KCNMB2: variants seen among roughly 807,000 people sequenced by gnomAD.
KCNMB2 encodes the protein potassium calcium-activated channel subfamily M regulatory beta subunit 2.
A neutral mutation model predicts 24.5 loss-of-function variants in KCNMB2; 9 were observed. The ratio of observed to expected loss-of-function variants is 0.37; its 90% confidence interval spans 0.22 to 0.64. The LOEUF (loss-of-function observed/expected upper bound fraction) is 0.64. Ranked by LOEUF, KCNMB2 falls within the 30% of genes least tolerant of loss-of-function variation. KCNMB2 has a pLI of 0.63. For synonymous variants in KCNMB2, 109 were observed against 104.4 expected (o/e 1.04, Z -0.27); for missense variants, 226 against 284.3 (o/e 0.79, Z 1.47).
chr3:178,654,034 A>G (rs1720231589), intron 1 of KCNMB2, among the ~76,000 whole-genome samples: 1 of 152,148 alleles, frequency 6.6e-6, no homozygotes, highest in African/African-American at 2.4e-5. Context: ...TAGAAGCTTT[A>G]GGTTATAGAT....
At chr3:178,757,993 ATATATC>A (rs1257378684) in intron 1 of KCNMB2, among the ~76,000 whole-genome samples, 3,183 of 7,916 alleles carry the variant, frequency 0.4, 859 homozygotes, top group South Asian at 0.51. Context: ...GGATATATAT[ATATATC>A]TAGATATATA....
intron 1 of KCNMB2, among the ~76,000 whole-genome samples, chr3:178,665,258 G>A (rs982947553): frequency 6.6e-6 from 1 of 152,100 alleles, no homozygotes; most frequent in African/African-American, 2.4e-5. Context: ...TTTTAAAAGA[G>A]TTTATTAACA....
chr3:178,595,420 C>T (rs1214301796), intron 1 of KCNMB2, among the ~76,000 whole-genome samples: 2 of 152,048 alleles, frequency 1.3e-5, no homozygotes, highest in African/African-American at 2.4e-5. Flanking sequence ...CCTGCTCATC[C>T]TTAGCTGCTG....
At chr3:178,746,819 G>C (rs1157533388) in intron 1 of KCNMB2, 2 of 153,022 alleles carry the variant, frequency 1.3e-5, no homozygotes, top group Non-Finnish European at 2.9e-5. Context: ...CTTTGCTCCA[G>C]TTCCCAACAA....
chr3:178,693,037 T>A (rs1721742295), intron 1 of KCNMB2, among the ~76,000 whole-genome samples: 1 of 152,236 alleles, frequency 6.6e-6, no homozygotes, highest in South Asian at 2.1e-4. Context: ...CATTCCTGTT[T>A]TGGCTCTTGA....
At chr3:178,542,719 T>A (rs1576999394) in intron 1 of KCNMB2, among the ~76,000 whole-genome samples, 1 of 152,272 alleles carries the variant, frequency 6.6e-6, no homozygotes, top group South Asian at 2.1e-4. Context: ...ATGTACTCCT[T>A]CCCTAAACAA....
intron 1 of KCNMB2, among the ~76,000 whole-genome samples, chr3:178,606,718 C>A (rs1374641206): frequency 4.6e-5 from 7 of 151,878 alleles, no homozygotes; most frequent in Middle Eastern, 3.2e-3. Flanking sequence ...ATGTTTGCAT[C>A]CCCCCCACCA....
intron 1 of KCNMB2, among the ~76,000 whole-genome samples, chr3:178,776,078 C>T (rs1483910672): frequency 1.3e-5 from 2 of 152,274 alleles, no homozygotes; most frequent in Non-Finnish European, 2.9e-5. Context: ...CAACTGCCTA[C>T]AACACTTTCC....
At chr3:178,751,070 G>A (rs915809425) in intron 1 of KCNMB2, among the ~76,000 whole-genome samples, 3 of 151,448 alleles carry the variant, frequency 2.0e-5, no homozygotes, top group Non-Finnish European at 4.4e-5. Context: ...TAACTAAATA[G>A]TTTGCATTTT....
chr3:178,675,515 T>C (rs1233243488), intron 1 of KCNMB2, among the ~76,000 whole-genome samples: 1 of 150,848 alleles, frequency 6.6e-6, no homozygotes, highest in Non-Finnish European at 1.5e-5. Context: ...CAAAACCTGA[T>C]CAAGGGCAAG....
chr3:178,819,118 G>A (rs1714522300), intron 2 of KCNMB2, among the ~76,000 whole-genome samples: 1 of 152,062 alleles, frequency 6.6e-6, no homozygotes, highest in Non-Finnish European at 1.5e-5. Context: ...TTTAATTCCT[G>A]ACATTTATTT....
At chr3:178,662,672 G>A (rs939915583) in intron 1 of KCNMB2, among the ~76,000 whole-genome samples, 3 of 151,992 alleles carry the variant, frequency 2.0e-5, no homozygotes, top group African/African-American at 4.8e-5. Flanking sequence ...GGAAGTGTGA[G>A]TATGAAATAA....
At chr3:178,735,141 T>C (rs1366833883) in intron 1 of KCNMB2, among the ~76,000 whole-genome samples, 2 of 152,198 alleles carry the variant, frequency 1.3e-5, no homozygotes, top group Non-Finnish European at 2.9e-5. Flanking sequence ...CCAAGTAAGG[T>C]TGAAAAGCAC....
Position 178,759,761 on chromosome 3 carries a change from T to TAG in KCNMB2, c.-67-47581_-67-47580insGA, listed in dbSNP as rs1437767235. ...ATATCCAAGAGGATATATCTATATATATATATCCAAGAGGATATATCTATA... is the reference window on the plus strand; with the variant it reads ...ATATCCAAGAGGATATATCTATATATAGATATATCCAAGAGGATATATCTATA... On this transcript the variant is annotated intron_variant, in intron 1 of 4. Coordinates refer to ENST00000452583, the MANE Select transcript of KCNMB2 (RefSeq NM_181361.3). Among the ~76,000 whole-genome samples the TAG allele has an allele frequency of 5.9e-4, 33 of 56,398 alleles. 3 individuals carry two copies. The highest frequency in any genetic ancestry group is 2.9e-3 in the African/African-American group (32 of 11,042). 37.0% of individuals were successfully genotyped at this position (56,398 alleles called of 152,430 possible). A position where few individuals can be genotyped will look rare whatever the true frequency, so the allele number is the denominator to read the frequency against.
At chr3:178,715,365 GTT>G (rs768377401) in intron 1 of KCNMB2, among the ~76,000 whole-genome samples, 35 of 132,248 alleles carry the variant, frequency 2.6e-4, no homozygotes, top group Non-Finnish European at 3.3e-4. Flanking sequence ...TTGTTTTTTG[GTT>G]TTTTTTTTTT....
rs75081515 is a variant in KCNMB2 at position 178,837,824 on chromosome 3, A to T, written c.424-4829A>T. On this transcript the variant is annotated intron_variant, in intron 4 of 4. Coordinates refer to ENST00000452583, the MANE Select transcript of KCNMB2 (RefSeq NM_181361.3). ...TTCTCAGTGGTAGTTTATATGAAGA[A>T]TCTTACCTAGTGACAGAATTATTGC... Among the ~76,000 whole-genome samples the T allele has an allele frequency of 9.8e-4, 149 of 152,204 alleles. No individual in the cohort carries two copies. In the Middle Eastern group the frequency reaches 0.014, roughly 14 times the overall value.
intron 1 of KCNMB2, among the ~76,000 whole-genome samples, chr3:178,543,978 C>T (rs1327821924): frequency 6.6e-6 from 1 of 152,148 alleles, no homozygotes; most frequent in Non-Finnish European, 1.5e-5. Flanking sequence ...CCTCCTTCCA[C>T]CCCTCCTTAA....
rs535173818 is a variant in KCNMB2 at position 178,727,133 on chromosome 3, C to A, written c.-67-80210C>A. On this transcript the variant is annotated intron_variant, in intron 1 of 4. Coordinates refer to ENST00000452583, the MANE Select transcript of KCNMB2 (RefSeq NM_181361.3). ...TGAAGTAACAGGAAATAGCCATATA[C>A]CCTTTTGAAATACCAAGGAAATATC... 2.1e-4 allele frequency among the ~76,000 whole-genome samples: 32 copies of A among 152,180 alleles called. 1 individual carries two copies. The South Asian group carries it at 6.4e-3, about 31-fold the overall frequency.
chr3:178,604,948 A>T (rs952842396), intron 1 of KCNMB2, among the ~76,000 whole-genome samples: 2 of 152,200 alleles, frequency 1.3e-5, no homozygotes, highest in African/African-American at 4.8e-5. Flanking sequence ...ATAGCTTATG[A>T]CCAACAGAAT....
Sources: allele counts gnomAD v4.1 joint callset (sites outside exome capture counted in the v4.1 genomes callset), GRCh38; gene constraint gnomAD v4.1.1; transcripts MANE v1.5; gene names NCBI Gene and HGNC (gene_info 2026-07-23, HGNC 2026-07-21).